ADAMTS17: variants seen among roughly 807,000 people sequenced by gnomAD.
ADAMTS17 encodes the protein A disintegrin and metalloproteinase with thrombospondin motifs 17.
A neutral mutation model predicts 141.5 loss-of-function variants in ADAMTS17; 113 were observed. That is an observed-to-expected ratio of 0.80 (90% confidence interval 0.69 to 0.93). ADAMTS17 has a LOEUF of 0.93. ADAMTS17 is among the 40% of genes least tolerant of loss of function. The pLI is 0.00. For missense variants in ADAMTS17, 1,659 were observed against 1,517.9 expected (o/e 1.09, Z -1.54); for synonymous variants, 768 against 630.6 (o/e 1.22, Z -3.27).
chr15:100,116,805 G>A, intron 13 of ADAMTS17, 42 bp downstream of exon 13: 5 of 1,613,526 alleles, frequency 3.1e-6, no homozygotes, highest in Middle Eastern at 1.8e-4. Flanking sequence ...TCTTAGGGGA[G>A]GACAGGAGGC....
intron 18 of ADAMTS17, among the ~76,000 whole-genome samples, chr15:99,998,361 G>A (rs545711612): frequency 6.6e-6 from 1 of 152,334 alleles, no homozygotes; most frequent in South Asian, 2.1e-4. Flanking sequence ...CCAGCACTTT[G>A]GGAGGCTGAG....
chr15:100,318,399 G>A (rs1049206335), intron 3 of ADAMTS17, among the ~76,000 whole-genome samples: 1 of 151,988 alleles, frequency 6.6e-6, no homozygotes, highest in African/African-American at 2.4e-5. Context: ...GAGGTGATTA[G>A]GTCATGAGGG....
chr15:100,259,654 T>A (rs1008018314), intron 6 of ADAMTS17, among the ~76,000 whole-genome samples: 11 of 152,266 alleles, frequency 7.2e-5, no homozygotes, highest in African/African-American at 2.7e-4. Context: ...AGAGCTTATA[T>A]ATGGATTATA....
intron 16 of ADAMTS17, among the ~76,000 whole-genome samples, chr15:100,053,429 C>T (rs1208202541): frequency 1.3e-5 from 2 of 152,200 alleles, no homozygotes; most frequent in Non-Finnish European, 2.9e-5. Context: ...TCGTTGCAAG[C>T]TGGGTCTGTG....
At chr15:100,052,694 G>C (rs1036261946) in intron 16 of ADAMTS17, among the ~76,000 whole-genome samples, 1 of 152,166 alleles carries the variant, frequency 6.6e-6, no homozygotes, top group African/African-American at 2.4e-5. Flanking sequence ...CAGAATAGGA[G>C]GATTTGTTCT....
intron 8 of ADAMTS17, among the ~76,000 whole-genome samples, chr15:100,165,894 G>T (rs74037527): frequency 2.7e-4 from 41 of 150,624 alleles, no homozygotes; most frequent in African/African-American, 8.5e-4. Context: ...TCTCTTTTTT[G>T]TTTTTTTTTC....
intron 7 of ADAMTS17, among the ~76,000 whole-genome samples, chr15:100,214,727 C>T (rs1265778724): frequency 6.6e-6 from 1 of 152,200 alleles, no homozygotes; most frequent in African/African-American, 2.4e-5. Flanking sequence ...CTCGGCCCAC[C>T]ATCCACGCAG....
chr15:100,318,272 C>A (rs891550233), intron 3 of ADAMTS17, among the ~76,000 whole-genome samples: 9 of 149,370 alleles, frequency 6.0e-5, no homozygotes, highest in African/African-American at 2.2e-4. Flanking sequence ...AATCTAACAC[C>A]CGCCCCCCCT....
chr15:100,076,751 T>C (rs867282077), intron 15 of ADAMTS17, among the ~76,000 whole-genome samples: 3 of 152,340 alleles, frequency 2.0e-5, no homozygotes, highest in Non-Finnish European at 4.4e-5. Flanking sequence ...CACTTGAGTA[T>C]ACTTTCTCAC....
At chr15:99,977,427 T>TTG (rs2141271369) in intron 20 of ADAMTS17, among the ~76,000 whole-genome samples, 1 of 114,798 alleles carries the variant, frequency 8.7e-6, no homozygotes. Context: ...TTTTTTTTTT[T>TTG]TTGAGATGGA....
At chr15:100,281,801 A>G (rs2044293899) in intron 3 of ADAMTS17, among the ~76,000 whole-genome samples, 2 of 152,228 alleles carry the variant, frequency 1.3e-5, no homozygotes, top group South Asian at 2.1e-4. Flanking sequence ...AACTGGACCA[A>G]GGAAGCTGGG....
intron 4 of ADAMTS17, among the ~76,000 whole-genome samples, chr15:100,264,642 G>A (rs1448882995): frequency 6.6e-6 from 1 of 152,214 alleles, no homozygotes; most frequent in Non-Finnish European, 1.5e-5. Flanking sequence ...GTAGGAACAA[G>A]CTCCCTTGTC....
At chr15:100,127,565 G>A (rs2037807618) in intron 12 of ADAMTS17, among the ~76,000 whole-genome samples, 1 of 152,162 alleles carries the variant, frequency 6.6e-6, no homozygotes, top group Non-Finnish European at 1.5e-5. Context: ...ACTTCAATGT[G>A]ATTCTATTTT....
At chr15:100,134,966 G>A (rs1472881176) in intron 10 of ADAMTS17, among the ~76,000 whole-genome samples, 1 of 152,208 alleles carries the variant, frequency 6.6e-6, no homozygotes, top group African/African-American at 2.4e-5. Flanking sequence ...TTGATTCCAT[G>A]CACTCTGACC....
chr15:99,996,173 A>C (rs985263930), intron 19 of ADAMTS17, among the ~76,000 whole-genome samples: 1 of 151,658 alleles, frequency 6.6e-6, no homozygotes, highest in East Asian at 1.9e-4. Flanking sequence ...TCCTGCCTCA[A>C]CCGCCCAAGT....
rs552737711 is a variant in ADAMTS17, at chr15:99,973,545, C to G, written c.*857G>C. 1 of 152,346 alleles carries G rather than the reference C, an allele frequency of 6.6e-6. No individual in the cohort carries two copies. Among genetic ancestry groups the G allele is most frequent in the African/African-American group, 2.4e-5 (1 of 41,456 alleles). The allele number at this position is 152,346 out of a possible 1,614,324, so 9.4% of individuals were successfully genotyped here. A position where few individuals can be genotyped will look rare whatever the true frequency, so the allele number is the denominator to read the frequency against. On this transcript the variant is annotated 3_prime_UTR_variant, in exon 22 of 22. Transcript: ENST00000268070. Reference sequence around the variant, plus strand: ...CCGGAAGGCGGGGCAGGTGCCCATCCGCCCCAGTGAAGCTGGCCCAAGCTT... The same window carrying G: ...CCGGAAGGCGGGGCAGGTGCCCATCGGCCCCAGTGAAGCTGGCCCAAGCTT...
rs547465449 is a variant in ADAMTS17 at position 99,981,946 on chromosome 15, G to A, written c.2950-5724C>T. Among the ~76,000 whole-genome samples, 215 of 152,354 alleles carry A rather than the reference G, an allele frequency of 1.4e-3. 1 individual carries two copies. The highest frequency in any genetic ancestry group is 4.9e-3 in the African/African-American group (202 of 41,574). ...TACTCTCCTAAAGCAGAGTTTTGAT[G>A]GAGAGGCCATGCAGTGCGGGGTGTC... On this transcript the variant is annotated intron_variant, in intron 20 of 21. Transcript: ENST00000268070.
chr15:100,189,739 G>A (rs1019372863), intron 8 of ADAMTS17, among the ~76,000 whole-genome samples: 8 of 152,174 alleles, frequency 5.3e-5, no homozygotes, highest in East Asian at 3.8e-4. Flanking sequence ...TTGGTATGGC[G>A]ATAGTATTAC....
chr15:100,281,060 C>A (rs893645855), intron 4 of ADAMTS17, among the ~76,000 whole-genome samples, 169 bp downstream of exon 4: 4 of 152,186 alleles, frequency 2.6e-5, no homozygotes, highest in Non-Finnish European at 5.9e-5. Flanking sequence ...ATCGGGATGT[C>A]CCCCAGTTAC....
Sources: gnomAD v4.1 joint callset for allele counts (sites outside exome capture counted in the v4.1 genomes callset) on GRCh38, gnomAD v4.1.1 for gene constraint, MANE v1.5 for transcripts, NCBI Gene and HGNC (gene_info 2026-07-23, HGNC 2026-07-21) for gene names.